SYTL3: variants seen among roughly 807,000 people sequenced by gnomAD.
SYTL3 encodes synaptotagmin like 3.
Under a neutral mutation model 82.1 loss-of-function variants are expected in SYTL3, and 88 were observed. The observed-to-expected ratio is 1.07, with a 90% CI of 0.90 to 1.28. The LOEUF (loss-of-function observed/expected upper bound fraction) is 1.28, where lower values mean the gene tolerates loss of function less well. SYTL3 is among the 50% of genes most tolerant of loss of function. The pLI, the probability that SYTL3 is intolerant of heterozygous loss-of-function variation, is 0.00. For synonymous variants in SYTL3, 311 were observed against 289.4 expected (o/e 1.07, Z -0.76); for missense variants, 831 against 757.6 (o/e 1.10, Z -1.14).
At chr6:158,736,637 C>T (rs558455932) in intron 11 of SYTL3, among the ~76,000 whole-genome samples, 1 of 151,148 alleles carries the variant, frequency 6.6e-6, no homozygotes, top group South Asian at 2.1e-4. Context: ...AAAATACAAA[C>T]ATTAGCCAGG....
At chr6:158,724,934 G>A (rs1784524921) in intron 10 of SYTL3, among the ~76,000 whole-genome samples, 1 of 152,184 alleles carries the variant, frequency 6.6e-6, no homozygotes, top group Non-Finnish European at 1.5e-5. Flanking sequence ...AGAATTGCTT[G>A]AACCCGAGAG....
intron 15 of SYTL3, among the ~76,000 whole-genome samples, chr6:158,761,862 T>G (rs967595450): frequency 2.0e-5 from 3 of 152,184 alleles, no homozygotes; most frequent in Non-Finnish European, 4.4e-5. Context: ...CCCTCCATCC[T>G]GTCCTCCACC....
intron 7 of SYTL3, 120 bp from the exon 8 acceptor site, chr6:158,708,202 C>A: frequency 1.1e-6 from 1 of 906,880 alleles, no homozygotes. Context: ...AAAAGTGAGG[C>A]AGTTTAAAAA....
intron 11 of SYTL3, among the ~76,000 whole-genome samples, chr6:158,730,486 C>T (rs1357565875): frequency 6.6e-6 from 1 of 152,182 alleles, no homozygotes; most frequent in Admixed American, 6.5e-5. Flanking sequence ...AAATGGTGGC[C>T]CGTACGGGGA....
At chr6:158,726,376 T>C (rs1035420939) in intron 11 of SYTL3, 7 of 278,512 alleles carry the variant, frequency 2.5e-5, no homozygotes, top group Non-Finnish European at 4.2e-5. Context: ...TTGTGAATTA[T>C]CATTGGCTCT....
At chr6:158,662,655 G>A (rs1789518558) in intron 3 of SYTL3, 95 bp from the exon 4 acceptor site, 1 of 152,192 alleles carries the variant, frequency 6.6e-6, no homozygotes, top group Admixed American at 6.5e-5. Flanking sequence ...GAAAATGCAA[G>A]GGTTTGTGTA....
intron 6 of SYTL3, among the ~76,000 whole-genome samples, chr6:158,703,669 CT>C (rs1415260414): frequency 1.3e-5 from 2 of 152,040 alleles, no homozygotes; most frequent in African/African-American, 4.8e-5. Flanking sequence ...AGGCTGGAGG[CT>C]GCCTGGGGCT....
At chr6:158,693,857 T>C (rs1780252387) in intron 6 of SYTL3, among the ~76,000 whole-genome samples, 1 of 122,106 alleles carries the variant, frequency 8.2e-6, no homozygotes, top group Admixed American at 7.6e-5. Flanking sequence ...TTTCTTTTCT[T>C]TTTTTTTTTT....
At chr6:158,734,081 C>T (rs1486069395) in intron 11 of SYTL3, among the ~76,000 whole-genome samples, 12 of 111,108 alleles carry the variant, frequency 1.1e-4, no homozygotes, top group South Asian at 3.1e-4. Flanking sequence ...GGCAACAGAG[C>T]GAGACCCTGT....
intron 6 of SYTL3, 69 bp downstream of exon 6, chr6:158,683,058 G>C: frequency 8.3e-7 from 1 of 1,209,170 alleles, no homozygotes; most frequent in South Asian, 1.3e-5. Context: ...TTGATGTTAA[G>C]ACTTTGGAAT....
chr6:158,645,345 AC>A (rs1238918206), upstream of SYTL3, among the ~76,000 whole-genome samples: 1 of 152,148 alleles, frequency 6.6e-6, no homozygotes, highest in Non-Finnish European at 1.5e-5. Context: ...AACTAGACAG[AC>A]TTTATTTGTA....
At chr6:158,709,852 C>T (rs1782565486) in intron 8 of SYTL3, among the ~76,000 whole-genome samples, 1 of 152,112 alleles carries the variant, frequency 6.6e-6, no homozygotes, top group African/African-American at 2.4e-5. Context: ...GCCTGGGCAA[C>T]ATAGCAAGAC....
At chr6:158,727,129 C>T (rs1784829179) in intron 11 of SYTL3, among the ~76,000 whole-genome samples, 1 of 152,122 alleles carries the variant, frequency 6.6e-6, no homozygotes, top group Admixed American at 6.5e-5. Context: ...GGATTACAGG[C>T]GTGAGCCACC....
At chr6:158,763,072 G>C (rs1401897621) in intron 16 of SYTL3, among the ~76,000 whole-genome samples, 1 of 152,210 alleles carries the variant, frequency 6.6e-6, no homozygotes, top group Non-Finnish European at 1.5e-5. Flanking sequence ...GAAAGATTAA[G>C]ATGAGGGCCA....
At chr6:158,674,619 G>A (rs760395969) in intron 5 of SYTL3, among the ~76,000 whole-genome samples, 2 of 152,168 alleles carry the variant, frequency 1.3e-5, no homozygotes, top group South Asian at 2.1e-4. Context: ...CCCTTCTTAG[G>A]TCTACAGGGA....
At chr6:158,722,334 G>T (rs1784209581) in intron 10 of SYTL3, among the ~76,000 whole-genome samples, 1 of 151,862 alleles carries the variant, frequency 6.6e-6, no homozygotes, top group South Asian at 2.1e-4. Flanking sequence ...GCTAATTTTT[G>T]TATTTTTTCT....
chr6:158,707,369 T>G (rs146596096), intron 7 of SYTL3, 88 bp downstream of exon 7: 257 of 1,110,000 alleles, frequency 2.3e-4, no homozygotes, highest in Non-Finnish European at 3.1e-4. Context: ...TCTCTTGACT[T>G]TCACATGTCA....
At chr6:158,762,233 T>C in intron 16 of SYTL3, 55 bp downstream of exon 16, 2 of 1,311,980 alleles carry the variant, frequency 1.5e-6, no homozygotes, top group South Asian at 1.2e-5. Context: ...CATCACAACA[T>C]GGCCCAGAAC....
At chr6:158,712,340 C>T (rs1423231897) in intron 8 of SYTL3, among the ~76,000 whole-genome samples, 3 of 152,192 alleles carry the variant, frequency 2.0e-5, no homozygotes, top group African/African-American at 7.2e-5. Flanking sequence ...TCTGGAAACA[C>T]CCTCACAGAC....
Sources: allele counts gnomAD v4.1 joint callset (sites outside exome capture counted in the v4.1 genomes callset), GRCh38; gene constraint gnomAD v4.1.1; transcripts MANE v1.5; gene names NCBI Gene and HGNC (gene_info 2026-07-23, HGNC 2026-07-21).